The following RAPGEF2 variants were observed in gnomAD, a reference collection of about 807,000 sequenced individuals.
The protein encoded by RAPGEF2 is Rap guanine nucleotide exchange factor 2.
Under a neutral mutation model 186.7 loss-of-function variants are expected in RAPGEF2, and 54 were observed. The ratio of observed to expected loss-of-function variants is 0.29; its 90% CI spans 0.23 to 0.36. RAPGEF2 has a LOEUF of 0.36. Ranked by LOEUF, RAPGEF2 falls within the 10% of genes least tolerant of loss-of-function variation. The pLI, the probability that RAPGEF2 is intolerant of heterozygous loss-of-function variation, is 1.00. For missense variants in RAPGEF2, 1,532 were observed against 2,045.0 expected (o/e 0.75, Z 4.84); for synonymous variants, 712 against 705.9 (o/e 1.01, Z -0.14).
intron 3 of RAPGEF2, among the ~76,000 whole-genome samples, chr4:159,200,068 A>G (rs1050773291): frequency 5.4e-5 from 8 of 147,300 alleles, no homozygotes; most frequent in African/African-American, 1.6e-4. Context: ...CTCTATATAT[A>G]TATATAGTTT....
chr4:159,246,305 ATAT>A (rs1348297300), intron 7 of RAPGEF2, among the ~76,000 whole-genome samples: 1 of 152,172 alleles, frequency 6.6e-6, no homozygotes, highest in East Asian at 1.9e-4. Context: ...ATGCCATATA[ATAT>A]TAAACTTTAT....
chr4:159,112,263 A>G (rs1738580044), intron 1 of RAPGEF2, among the ~76,000 whole-genome samples: 1 of 152,192 alleles, frequency 6.6e-6, no homozygotes, highest in African/African-American at 2.4e-5. Context: ...CAATGAAGAG[A>G]AAGTTCTGTG....
At chr4:159,139,785 A>G (rs1742115003) in intron 1 of RAPGEF2, among the ~76,000 whole-genome samples, 1 of 152,230 alleles carries the variant, frequency 6.6e-6, no homozygotes, top group Admixed American at 6.5e-5. Flanking sequence ...AAGCATAAAC[A>G]ACTTTTGCAT....
chr4:159,109,661 G>A (rs1382820548), intron 1 of RAPGEF2, among the ~76,000 whole-genome samples: 1 of 152,214 alleles, frequency 6.6e-6, no homozygotes, highest in Non-Finnish European at 1.5e-5. Context: ...ATTCATGAGT[G>A]CTGTAACAGC....
At chr4:159,227,799 C>T (rs917660489) in intron 4 of RAPGEF2, among the ~76,000 whole-genome samples, 2 of 152,186 alleles carry the variant, frequency 1.3e-5, no homozygotes, top group African/African-American at 4.8e-5. Flanking sequence ...CAAAAGCAGC[C>T]TCTTTTACCT....
intron 1 of RAPGEF2, among the ~76,000 whole-genome samples, chr4:159,152,391 T>C (rs1743650246): frequency 6.6e-6 from 1 of 152,162 alleles, no homozygotes; most frequent in South Asian, 2.1e-4. Context: ...AAAACTTAAA[T>C]CTGGACTCAG....
intron 7 of RAPGEF2, among the ~76,000 whole-genome samples, chr4:159,273,217 C>G (rs1758338806): frequency 6.6e-6 from 1 of 152,186 alleles, no homozygotes; most frequent in Non-Finnish European, 1.5e-5. Context: ...GCAGAGGGGA[C>G]TGAGAGGAAG....
chr4:159,123,772 C>T (rs146778095), intron 1 of RAPGEF2, among the ~76,000 whole-genome samples: 1,541 of 152,128 alleles, frequency 0.01, 29 homozygotes, highest in African/African-American at 0.035. Flanking sequence ...CCTGCCTCGA[C>T]CTCCCAAAGT....
chr4:159,309,776 AATAG>A (rs1037817706), intron 8 of RAPGEF2, among the ~76,000 whole-genome samples: 2 of 152,190 alleles, frequency 1.3e-5, no homozygotes, highest in Non-Finnish European at 2.9e-5. Flanking sequence ...AGTTGTACAA[AATAG>A]ATAGATCAAT....
At chr4:159,320,132 A>G (rs35898385) in intron 9 of RAPGEF2, among the ~76,000 whole-genome samples, 1,685 of 152,292 alleles carry the variant, frequency 0.011, 15 homozygotes, top group East Asian at 0.034. Context: ...ATCATAGTTT[A>G]TGGTGAGGCG....
At position 159,235,718 on chromosome 4, in the gene RAPGEF2, T is replaced by C. The variant is rs75665926; in HGVS notation, c.282-3091T>C. 4.3e-3 allele frequency among the ~76,000 whole-genome samples: 655 copies of C among 152,372 alleles called. 17 individuals are homozygous for C. The highest frequency in any genetic ancestry group is 0.034 in the Admixed American group (525 of 15,306). On this transcript the variant is annotated intron_variant, in intron 4 of 29. Transcript: ENST00000691494. ...GAGCTGAATTTTTTCAGTTTATTTG[T>C]GTAGAACTTCGCCAAAGATTTTTGA... is the stretch of plus-strand genomic sequence containing the variant.
At chr4:159,125,120 G>A (rs67747204) in intron 1 of RAPGEF2, among the ~76,000 whole-genome samples, 30,287 of 151,730 alleles carry the variant, frequency 0.2, 3,009 homozygotes, top group Admixed American at 0.25. Context: ...TAAGCCACAC[G>A]CAAACAGCTA....
At chr4:159,349,669 T>C (rs1730893025) in intron 25 of RAPGEF2, among the ~76,000 whole-genome samples, 1 of 152,230 alleles carries the variant, frequency 6.6e-6, no homozygotes, top group Non-Finnish European at 1.5e-5. Context: ...CTTGACTCTG[T>C]ACTCTTCTCC....
rs1731508189 is a variant in RAPGEF2, at chr4:159,353,528, C to T, written c.4133C>T (p.Thr1378Ile). The T allele has an allele frequency of 6.5e-7, 1 of 1,531,822 alleles. No homozygotes were observed. Among genetic ancestry groups the T allele is most frequent in the Non-Finnish European group, 8.8e-7 (1 of 1,142,846 alleles). The allele number at this position is 1,531,822 out of a possible 1,614,324, so 94.9% of individuals were successfully genotyped here. ...PMSEGRGLYA[T>I]ATVISSPSTE... Reference sequence around the variant, plus strand: ...TCCGAGGGCCGAGGCTTATATGCTACAGCTACAGTAATTTCTTCTCCAAGC... The same window carrying T: ...TCCGAGGGCCGAGGCTTATATGCTATAGCTACAGTAATTTCTTCTCCAAGC... The change falls in exon 28 of 30, where the codon ACA becomes ATA. Residue 1378 changes from threonine to isoleucine, a missense_variant. By Grantham distance (89) the Thr-to-Ile change is moderately conservative (BLOSUM62 -1). Around this residue, in one of 4 missense-constraint regions of RAPGEF2, gnomAD observed 594 missense variants for 608.5 expected, o/e 0.98. Transcript: ENST00000691494. This position sits in a 1 kb window ranked among gnomAD's most constrained non-coding sequence, Gnocchi z 4.3.
intron 4 of RAPGEF2, among the ~76,000 whole-genome samples, chr4:159,227,184 T>G (rs994024231): frequency 3.3e-5 from 5 of 152,198 alleles, no homozygotes; most frequent in Admixed American, 6.5e-5. Flanking sequence ...ATTCTTGAAA[T>G]CTTGTTTGAT....
At chr4:159,224,771 G>A (rs181423534) in intron 4 of RAPGEF2, among the ~76,000 whole-genome samples, 1 of 152,312 alleles carries the variant, frequency 6.6e-6, no homozygotes, top group East Asian at 1.9e-4. Context: ...ACCAGAGACA[G>A]GAACCTTATC....
chr4:159,120,452 G>C (rs942398827), intron 1 of RAPGEF2, among the ~76,000 whole-genome samples: 3 of 152,078 alleles, frequency 2.0e-5, no homozygotes. Context: ...GTTTCATATT[G>C]GTTGTTATAC....
At chr4:159,269,361 C>T (rs890467043) in intron 7 of RAPGEF2, among the ~76,000 whole-genome samples, 4 of 152,078 alleles carry the variant, frequency 2.6e-5, no homozygotes, top group African/African-American at 7.2e-5. Flanking sequence ...GACGCTGCAC[C>T]GAGAGCCCAG....
chr4:159,301,877 A>T (rs879491421), intron 7 of RAPGEF2, among the ~76,000 whole-genome samples: 21 of 152,158 alleles, frequency 1.4e-4, no homozygotes, highest in Non-Finnish European at 2.8e-4. Context: ...AAAATAAAAA[A>T]AAATCTTGTA....
Sources: allele counts gnomAD v4.1 joint callset (sites outside exome capture counted in the v4.1 genomes callset), GRCh38; gene constraint gnomAD v4.1.1; regional missense constraint gnomAD v4.1.1; non-coding constraint Gnocchi (gnomAD v3.1); transcripts MANE v1.5; gene names NCBI Gene and HGNC (gene_info 2026-07-23, HGNC 2026-07-21).